Variants in SLIT2 observed in about 807,000 individuals in gnomAD.
The protein encoded by SLIT2 is slit homolog 2 protein.
Under a neutral mutation model 185.7 loss-of-function variants are expected in SLIT2, and 41 were observed. That is an observed-to-expected ratio of 0.22 (90% CI 0.17 to 0.29). The LOEUF (loss-of-function observed/expected upper bound fraction) is 0.29. Among genes scored for constraint, SLIT2 ranks in the 10% least tolerant of loss-of-function variants. The pLI, the probability that SLIT2 is intolerant of heterozygous loss-of-function variation, is 1.00. For synonymous variants in SLIT2, 693 were observed against 680.2 expected, an observed-to-expected ratio of 1.02 and a Z score of -0.29; for missense variants, 1,571 against 1,909.0, an observed-to-expected ratio of 0.82 and a Z score of 3.30.
chr4:20,559,331 A>G (rs1159912013), intron 26 of SLIT2, among the ~76,000 whole-genome samples: 1 of 152,026 alleles, frequency 6.6e-6, no homozygotes, highest in Admixed American at 6.6e-5. Flanking sequence ...TAGACATTCA[A>G]GACTCAATCA....
At chr4:20,258,943 T>C (rs181426367) in intron 3 of SLIT2, among the ~76,000 whole-genome samples, 3 of 151,894 alleles carry the variant, frequency 2.0e-5, no homozygotes, top group African/African-American at 7.2e-5. Flanking sequence ...CAGAAGTTAA[T>C]TCCCTGTAAT....
chr4:20,269,784 A>G lies in SLIT2; in HGVS notation c.395+903A>G, dbSNP rs79105564. 7.4e-3 allele frequency among the ~76,000 whole-genome samples: 1,119 copies of G among 151,966 alleles called. 12 individuals are homozygous for G. Among genetic ancestry groups the G allele is most frequent in the African/African-American group, 0.025 (1,041 of 41,506 alleles). On this transcript the variant is annotated intron_variant, in intron 4 of 36. Coordinates refer to ENST00000504154, the MANE Select transcript of SLIT2 (RefSeq NM_004787.4). ...AAGTGAGCATAGTTCCTTTTTCTGA[A>G]CTTGTCTTTGTAGCCTACTAGTTCA...
intron 29 of SLIT2, among the ~76,000 whole-genome samples, chr4:20,575,693 C>T (rs1281219385): frequency 6.6e-6 from 1 of 152,176 alleles, no homozygotes; most frequent in Non-Finnish European, 1.5e-5. Context: ...AGCTTTCCTT[C>T]TGCTCTCCTG....
chr4:20,581,739 C>G (rs1281769181), intron 29 of SLIT2, among the ~76,000 whole-genome samples: 1 of 152,046 alleles, frequency 6.6e-6, no homozygotes, highest in Non-Finnish European at 1.5e-5. Context: ...ACAGAGTTCT[C>G]TCTTTCTCTC....
intron 4 of SLIT2, among the ~76,000 whole-genome samples, chr4:20,309,715 C>T (rs1025112446): frequency 2.7e-5 from 4 of 150,732 alleles, no homozygotes; most frequent in African/African-American, 7.3e-5. Flanking sequence ...ACTACTAAAG[C>T]TCCTTCTACT....
chr4:20,398,695 T>C (rs1012375593), intron 4 of SLIT2, among the ~76,000 whole-genome samples: 10 of 151,840 alleles, frequency 6.6e-5, no homozygotes, highest in Admixed American at 4.0e-4. Context: ...TCCATGTTTA[T>C]ATTGATTCTA....
At position 20,252,205 on chromosome 4, in the gene SLIT2, A is replaced by G. The variant is rs894655993; in HGVS notation, c.-1611A>G. Reference sequence around the variant, plus strand: ...TGAGCGCCAGTCAGCCCCAGCGAACAACTCCAGTTACGACAACAACCCACC... The same window carrying G: ...TGAGCGCCAGTCAGCCCCAGCGAACGACTCCAGTTACGACAACAACCCACC... On this transcript the variant is annotated 5_prime_UTR_variant, in exon 1 of 37. Coordinates refer to ENST00000504154, the MANE Select transcript of SLIT2 (RefSeq NM_004787.4). Among the ~76,000 whole-genome samples, 4 of 152,026 alleles carry G rather than the reference A, an allele frequency of 2.6e-5. No homozygotes were observed. The highest frequency in any genetic ancestry group is 9.7e-5 in the African/African-American group (4 of 41,420).
At chr4:20,543,536 A>G (rs1206701227) in intron 21 of SLIT2, among the ~76,000 whole-genome samples, 1 of 152,214 alleles carries the variant, frequency 6.6e-6, no homozygotes, top group Non-Finnish European at 1.5e-5. Context: ...TTTAAACCCA[A>G]ATGTAATTTA....
At chr4:20,314,225 T>A (rs1718381439) in intron 4 of SLIT2, among the ~76,000 whole-genome samples, 1 of 152,192 alleles carries the variant, frequency 6.6e-6, no homozygotes, top group Non-Finnish European at 1.5e-5. Flanking sequence ...AGTTTTAATT[T>A]TCTTATCTGT....
intron 18 of SLIT2, among the ~76,000 whole-genome samples, chr4:20,537,949 A>G (rs12646186): frequency 1.3e-5 from 2 of 151,536 alleles, no homozygotes; most frequent in African/African-American, 4.9e-5. Flanking sequence ...TCTCTTTTTT[A>G]AAATTTTTAT....
chr4:20,279,402 C>T (rs1049215007), intron 4 of SLIT2, among the ~76,000 whole-genome samples: 28 of 152,180 alleles, frequency 1.8e-4, no homozygotes, highest in Non-Finnish European at 4.1e-4. Context: ...TATTTCTGGA[C>T]TTCTTTCTTT....
intron 12 of SLIT2, among the ~76,000 whole-genome samples, chr4:20,523,039 C>A (rs1351771179): frequency 6.6e-6 from 1 of 152,104 alleles, no homozygotes; most frequent in African/African-American, 2.4e-5. Context: ...GGGTCAAAGA[C>A]AGCCTGCATG....
chr4:20,312,314 A>G (rs1480799156), intron 4 of SLIT2, among the ~76,000 whole-genome samples: 1 of 152,226 alleles, frequency 6.6e-6, no homozygotes, highest in Non-Finnish European at 1.5e-5. Flanking sequence ...AAAAACTACC[A>G]TAAATACATG....
intron 9 of SLIT2, among the ~76,000 whole-genome samples, chr4:20,495,020 G>T (rs1038703151): frequency 6.6e-6 from 1 of 152,086 alleles, no homozygotes; most frequent in Non-Finnish European, 1.5e-5. Context: ...ATCTCCGGAG[G>T]CAAATACTGC....
chr4:20,467,846 A>T, intron 5 of SLIT2, 23 bp downstream of exon 5: 1 of 1,263,684 alleles, frequency 7.9e-7, no homozygotes, highest in Non-Finnish European at 1.1e-6. Flanking sequence ...TTTTAAATTT[A>T]TAGTGTTTTA....
chr4:20,292,114 A>C (rs1487496937), intron 4 of SLIT2, among the ~76,000 whole-genome samples: 1 of 152,166 alleles, frequency 6.6e-6, no homozygotes, highest in Non-Finnish European at 1.5e-5. Flanking sequence ...TTGTTAGCCA[A>C]TTCTCCTTTC....
intron 4 of SLIT2, among the ~76,000 whole-genome samples, chr4:20,377,316 G>C (rs1724103634): frequency 6.6e-6 from 1 of 152,080 alleles, no homozygotes; most frequent in African/African-American, 2.4e-5. Flanking sequence ...CTTACTGAAA[G>C]TGAATACATC....
chr4:20,460,104 T>C (rs559941029), intron 4 of SLIT2, among the ~76,000 whole-genome samples: 53 of 152,144 alleles, frequency 3.5e-4, no homozygotes, highest in African/African-American at 1.2e-3. Context: ...CCTCAGGTGA[T>C]CCACCCACCT....
intron 4 of SLIT2, among the ~76,000 whole-genome samples, chr4:20,355,298 T>C (rs1349046981): frequency 6.6e-6 from 1 of 152,206 alleles, no homozygotes; most frequent in African/African-American, 2.4e-5. Flanking sequence ...CAAATTGATC[T>C]TGCTTCTGTA....
Sources: allele counts gnomAD v4.1 joint callset (sites outside exome capture counted in the v4.1 genomes callset), GRCh38; gene constraint gnomAD v4.1.1; transcripts MANE v1.5; gene names NCBI Gene and HGNC (gene_info 2026-07-23, HGNC 2026-07-21).